TRIM37: variants seen among roughly 807,000 people sequenced by gnomAD.
TRIM37 encodes E3 ubiquitin-protein ligase TRIM37.
TRIM37 carries 80 observed loss-of-function variants against 129.8 expected under a neutral mutation model. That is an observed-to-expected ratio of 0.62 (90% CI 0.51 to 0.74). The LOEUF is 0.74. TRIM37 is among the 30% of genes least tolerant of loss of function. The pLI is 0.00. For synonymous variants in TRIM37, 389 were observed against 387.1 expected, an observed-to-expected ratio of 1.00 and a Z score of -0.06; for missense variants, 1,054 against 1,176.5, an observed-to-expected ratio of 0.90 and a Z score of 1.52.
chr17:59,035,187 G>A (rs1423724498), intron 17 of TRIM37, among the ~76,000 whole-genome samples: 1 of 151,892 alleles, frequency 6.6e-6, no homozygotes, highest in Non-Finnish European at 1.5e-5. Flanking sequence ...AGCCTCCCGA[G>A]TAGCTGGGGT....
intron 19 of TRIM37, among the ~76,000 whole-genome samples, chr17:59,018,697 C>T (rs1307428170): frequency 2.7e-5 from 4 of 149,250 alleles, no homozygotes; most frequent in Non-Finnish European, 5.9e-5. Flanking sequence ...CGATTCAACA[C>T]AATTTCTAAA....
intron 7 of TRIM37, among the ~76,000 whole-genome samples, chr17:59,077,856 G>A (rs1378270144): frequency 2.0e-5 from 3 of 148,948 alleles, no homozygotes; most frequent in Admixed American, 1.4e-4. Flanking sequence ...AGGTGTGGTG[G>A]CTCACGCCTG....
intron 5 of TRIM37, among the ~76,000 whole-genome samples, chr17:59,082,012 G>A (rs1170572758): frequency 1.3e-5 from 2 of 149,272 alleles, no homozygotes; most frequent in Non-Finnish European, 3.0e-5. Context: ...GCTCACGCCT[G>A]TAATCCTAGC....
chr17:59,055,277 A>G (rs2040732951), intron 13 of TRIM37, among the ~76,000 whole-genome samples: 1 of 139,576 alleles, frequency 7.2e-6, no homozygotes, highest in South Asian at 2.3e-4. Flanking sequence ...CAAAGGTTGC[A>G]GGGAGCCAAG....
At chr17:58,979,948 A>G (rs750484069), downstream of TRIM37, 4 of 1,562,932 alleles carry the variant, frequency 2.6e-6, no homozygotes, top group Non-Finnish European at 3.5e-6. Flanking sequence ...AATGCTAATG[A>G]TGCCCCTACA....
At chr17:59,011,237 CATA>C (rs1429052998) in intron 22 of TRIM37, among the ~76,000 whole-genome samples, 1 of 151,828 alleles carries the variant, frequency 6.6e-6, no homozygotes, top group African/African-American at 2.4e-5. Flanking sequence ...GATCTTCAAT[CATA>C]ATATTTCTTT....
intron 23 of TRIM37, 110 bp downstream of exon 23, chr17:59,001,488 G>A (rs1350344614): frequency 1.5e-6 from 2 of 1,335,340 alleles, no homozygotes; most frequent in East Asian, 2.3e-5. Context: ...AGCAGAAGAA[G>A]CAAAAGCAGT....
chr17:59,089,946 A>G (rs919898554), intron 3 of TRIM37: 5 of 152,018 alleles, frequency 3.3e-5, no homozygotes, highest in African/African-American at 1.2e-4. Flanking sequence ...CAAAAAATAA[A>G]CAAAATTAGC....
the TRIM37 span, chr17:58,973,006 G>C: frequency 1.1e-6 from 1 of 870,888 alleles, no homozygotes; most frequent in East Asian, 2.5e-5. Flanking sequence ...CAGGGAACCT[G>C]AGATGATAAT....
intron 22 of TRIM37, among the ~76,000 whole-genome samples, chr17:59,006,957 T>C (rs899732626): frequency 6.6e-6 from 1 of 151,928 alleles, no homozygotes; most frequent in African/African-American, 2.4e-5. Context: ...GCTGACGAGA[T>C]AGAAGAGGAA....
downstream of TRIM37, among the ~76,000 whole-genome samples, chr17:58,995,112 G>A (rs1024636164): frequency 6.6e-6 from 1 of 151,920 alleles, no homozygotes; most frequent in African/African-American, 2.4e-5. Context: ...GCAGTAGCAC[G>A]ATTTTGGCTC....
intron 9 of TRIM37, among the ~76,000 whole-genome samples, chr17:59,070,591 A>G (rs1210958959): frequency 6.6e-6 from 1 of 152,110 alleles, no homozygotes; most frequent in African/African-American, 2.4e-5. Context: ...AAAGCTATGG[A>G]GTGGCCAAGT....
intron 12 of TRIM37, among the ~76,000 whole-genome samples, chr17:59,057,300 C>CT (rs1330056147): frequency 3.3e-5 from 5 of 152,222 alleles, no homozygotes; most frequent in African/African-American, 1.2e-4. Context: ...ACTGCATCCT[C>CT]TGACTCCAGG....
Position 58,998,809 on chromosome 17 carries a change from A to C in TRIM37, c.*568T>G. ...TGAACAGTGTGCCTGTACTTGAACA[A>C]GTGAGAGAAGATACATACTCCAAAA... On this transcript the variant is annotated 3_prime_UTR_variant, in exon 24 of 24. Coordinates refer to ENST00000262294, the MANE Select transcript of TRIM37 (RefSeq NM_015294.6). 1 of 989,232 alleles carries C rather than the reference A, an allele frequency of 1.0e-6. No homozygotes were observed. The highest frequency in any genetic ancestry group is 1.2e-6 in the Non-Finnish European group (1 of 832,172). 61.3% of individuals were successfully genotyped at this position (989,232 alleles called of 1,614,324 possible).
intron 2 of TRIM37, among the ~76,000 whole-genome samples, chr17:59,103,935 C>T (rs1276449046): frequency 3.9e-5 from 6 of 152,320 alleles, no homozygotes; most frequent in East Asian, 1.9e-4. Context: ...TTTAAAGCCA[C>T]TAGATTATAT....
Position 59,012,250 on chromosome 17 carries a change from ACCACCAC to A in TRIM37, c.2695+71_2695+77del. 15 of 833,790 alleles carry A rather than the reference ACCACCAC, an allele frequency of 1.8e-5. No individual in the cohort carries two copies. The African/African-American group carries it at 1.9e-4, about 10-fold the overall frequency. 51.6% of individuals were successfully genotyped at this position (833,790 alleles called of 1,614,324 possible). A position where few individuals can be genotyped will look rare whatever the true frequency, so the allele number is the denominator to read the frequency against. On this transcript the variant is annotated intron_variant, in intron 22 of 23. Coordinates refer to ENST00000262294, the MANE Select transcript of TRIM37 (RefSeq NM_015294.6). Reference sequence around the variant, plus strand: ...CAGCACCACCACCACCACCACCACCACCACCACCCACCACCCACCACCAAAAAAGGGA... The same window carrying A: ...CAGCACCACCACCACCACCACCACCACCACCACCCACCACCAAAAAAGGGA...
chr17:59,041,714 T>C, intron 17 of TRIM37, 99 bp downstream of exon 17: 4 of 869,152 alleles, frequency 4.6e-6, no homozygotes, highest in Middle Eastern at 2.2e-4. Context: ...CCATGAACCA[T>C]GTACAAGCAG....
At chr17:59,042,568 G>A (rs952594128) in intron 16 of TRIM37, among the ~76,000 whole-genome samples, 7 of 150,382 alleles carry the variant, frequency 4.7e-5, no homozygotes, top group Non-Finnish European at 7.4e-5. Flanking sequence ...TTCGAGACCA[G>A]CCTGGCCAAC....
intron 17 of TRIM37, among the ~76,000 whole-genome samples, chr17:59,037,988 T>G (rs886418349): frequency 1.3e-5 from 2 of 152,074 alleles, no homozygotes; most frequent in African/African-American, 2.4e-5. Context: ...TGTTTGTGGG[T>G]TTTTAGGGGG....
Sources: gnomAD v4.1 joint callset for allele counts (sites outside exome capture counted in the v4.1 genomes callset) on GRCh38, gnomAD v4.1.1 for gene constraint, MANE v1.5 for transcripts, NCBI Gene and HGNC (gene_info 2026-07-23, HGNC 2026-07-21) for gene names.